ITPR2: variants seen among roughly 807,000 people sequenced by gnomAD.
The protein encoded by ITPR2 is inositol 1,4,5-trisphosphate-gated calcium channel ITPR2.
A neutral mutation model predicts 317.1 loss-of-function variants in ITPR2; 207 were observed. The ratio of observed to expected loss-of-function variants is 0.65; its 90% confidence interval spans 0.58 to 0.73. The LOEUF (loss-of-function observed/expected upper bound fraction) is 0.73. Among genes scored for constraint, ITPR2 ranks in the 30% least tolerant of loss-of-function variants. ITPR2 has a pLI of 0.00. For synonymous variants in ITPR2, 1,156 were observed against 1,149.1 expected (o/e 1.01, Z -0.12); for missense variants, 2,613 against 3,284.0 (o/e 0.80, Z 4.99).
intron 55 of ITPR2, among the ~76,000 whole-genome samples, chr12:26,385,377 T>C (rs1313230183): frequency 6.6e-6 from 1 of 152,154 alleles, no homozygotes; most frequent in Admixed American, 6.5e-5. Context: ...CTGGCTGGCA[T>C]CTCAGGCTCA....
At chr12:26,385,562 C>T (rs1428874839) in intron 55 of ITPR2, among the ~76,000 whole-genome samples, 1 of 152,172 alleles carries the variant, frequency 6.6e-6, no homozygotes, top group African/African-American at 2.4e-5. Flanking sequence ...GGTTTCCCCT[C>T]GTTGATGAAA....
At chr12:26,350,537 A>T (rs899783657) in intron 55 of ITPR2, among the ~76,000 whole-genome samples, 2 of 152,102 alleles carry the variant, frequency 1.3e-5, no homozygotes, top group African/African-American at 4.8e-5. Flanking sequence ...AGGTGGCCTG[A>T]AATAGCACCA....
chr12:26,471,223 G>A (rs1310362699), intron 45 of ITPR2, among the ~76,000 whole-genome samples: 1 of 152,182 alleles, frequency 6.6e-6, no homozygotes, highest in Non-Finnish European at 1.5e-5. Context: ...GTCTCAGACA[G>A]AGGAACAGAA....
chr12:26,590,108 T>C (rs1945662820), intron 32 of ITPR2, among the ~76,000 whole-genome samples: 1 of 152,008 alleles, frequency 6.6e-6, no homozygotes, highest in Non-Finnish European at 1.5e-5. Flanking sequence ...AGAAAATATC[T>C]GACCAGCTGT....
At chr12:26,508,742 T>C (rs1861637164) in intron 37 of ITPR2, among the ~76,000 whole-genome samples, 1 of 152,160 alleles carries the variant, frequency 6.6e-6, no homozygotes, top group Non-Finnish European at 1.5e-5. Flanking sequence ...AAGCTGACAT[T>C]GTGATCTGAA....
intron 55 of ITPR2, among the ~76,000 whole-genome samples, chr12:26,375,505 T>A (rs1370177456): frequency 6.6e-6 from 1 of 152,212 alleles, no homozygotes; most frequent in African/African-American, 2.4e-5. Context: ...AAAGTCAACA[T>A]CCTCTTTCAG....
intron 49 of ITPR2, among the ~76,000 whole-genome samples, chr12:26,422,594 C>T (rs1444579949): frequency 6.6e-6 from 1 of 152,080 alleles, no homozygotes; most frequent in African/African-American, 2.4e-5. Flanking sequence ...CCTTAAGCTC[C>T]CTCATAGCTG....
intron 37 of ITPR2, among the ~76,000 whole-genome samples, chr12:26,518,499 G>A (rs375920276): frequency 6.6e-6 from 1 of 151,426 alleles, no homozygotes; most frequent in East Asian, 1.9e-4. Flanking sequence ...ACAAACACAT[G>A]TACCCCCGAA....
At chr12:26,356,964 A>G (rs1260438759) in intron 55 of ITPR2, among the ~76,000 whole-genome samples, 1 of 152,250 alleles carries the variant, frequency 6.6e-6, no homozygotes, top group Non-Finnish European at 1.5e-5. Context: ...CAATTCCTAC[A>G]TGTAAAACTT....
intron 2 of ITPR2, among the ~76,000 whole-genome samples, chr12:26,759,769 A>G (rs1949596130): frequency 6.6e-6 from 1 of 152,240 alleles, no homozygotes; most frequent in African/African-American, 2.4e-5. Flanking sequence ...GCTTCTAGTG[A>G]TTAGTGACAA....
chr12:26,761,838 C>T (rs1184552539), intron 2 of ITPR2, among the ~76,000 whole-genome samples: 2 of 152,212 alleles, frequency 1.3e-5, no homozygotes, highest in South Asian at 2.1e-4. Flanking sequence ...CTCAGATTGA[C>T]CACCAAACAA....
At chr12:26,450,820 G>A (rs1346795752) in intron 45 of ITPR2, among the ~76,000 whole-genome samples, 1 of 152,118 alleles carries the variant, frequency 6.6e-6, no homozygotes, top group Non-Finnish European at 1.5e-5. Context: ...GTTTCCAGAG[G>A]GGTTGAGAAC....
chr12:26,808,445 A>T (rs1950675141), intron 1 of ITPR2, among the ~76,000 whole-genome samples: 1 of 152,234 alleles, frequency 6.6e-6, no homozygotes, highest in South Asian at 2.1e-4. Context: ...TCATTGATTT[A>T]TTCATTCAAC....
At chr12:26,343,033 C>T (rs1365917612) in intron 55 of ITPR2, among the ~76,000 whole-genome samples, 1 of 152,134 alleles carries the variant, frequency 6.6e-6, no homozygotes, top group Non-Finnish European at 1.5e-5. Flanking sequence ...TCCCCTTTGG[C>T]CTTTCTCTGC....
intron 41 of ITPR2, among the ~76,000 whole-genome samples, chr12:26,484,878 AT>A (rs765561829): frequency 4.0e-5 from 6 of 151,758 alleles, no homozygotes; most frequent in Non-Finnish European, 5.9e-5. Flanking sequence ...CGCCCAGCTA[AT>A]TTTTTGTATT....
At chr12:26,504,967 G>T (rs1365299346) in intron 37 of ITPR2, among the ~76,000 whole-genome samples, 1 of 152,106 alleles carries the variant, frequency 6.6e-6, no homozygotes, top group Non-Finnish European at 1.5e-5. Flanking sequence ...GGGAAAAAAA[G>T]GGAAGTCCTA....
rs537389596 is a variant in ITPR2 at position 26,692,383 on chromosome 12, A to T, written c.996+3223T>A. On this transcript the variant is annotated intron_variant, in intron 10 of 56. Transcript: ENST00000381340. ...GGCAAAAGCCATTGCACCACAACAG[A>T]GAATTATCTGGCCCAATATGGCCAG... Among the ~76,000 whole-genome samples, 21 of 152,334 alleles carry T rather than the reference A, an allele frequency of 1.4e-4. No homozygotes were observed. In the East Asian group the frequency reaches 3.9e-3, roughly 28 times the overall value.
At chr12:26,473,062 T>C (rs891004705) in intron 45 of ITPR2, among the ~76,000 whole-genome samples, 2 of 152,122 alleles carry the variant, frequency 1.3e-5, no homozygotes, top group Admixed American at 6.5e-5. Flanking sequence ...AATTTTTGTA[T>C]TTTTAGTACA....
chr12:26,343,619 T>C (rs1938209754), intron 55 of ITPR2, among the ~76,000 whole-genome samples: 1 of 152,252 alleles, frequency 6.6e-6, no homozygotes, highest in Non-Finnish European at 1.5e-5. Flanking sequence ...AATTGTGCAC[T>C]AAACTCCTGA....
Sources: gnomAD v4.1 joint callset for allele counts (sites outside exome capture counted in the v4.1 genomes callset) on GRCh38, gnomAD v4.1.1 for gene constraint, MANE v1.5 for transcripts, NCBI Gene and HGNC (gene_info 2026-07-23, HGNC 2026-07-21) for gene names.